Variants in MAPK10 observed in about 807,000 individuals in gnomAD.
MAPK10 encodes the protein mitogen-activated protein kinase 10.
In MAPK10, 25 loss-of-function variants were observed where a neutral mutation model predicts 59.3. The ratio of observed to expected loss-of-function variants is 0.42; its 90% CI spans 0.31 to 0.59. The LOEUF is 0.59. MAPK10 is among the 20% of genes least tolerant of loss of function. MAPK10 has a pLI of 0.15. For missense variants in MAPK10, 351 were observed against 568.9 expected (o/e 0.62, Z 3.90); for synonymous variants, 190 against 200.5 (o/e 0.95, Z 0.44).
chr4:86,548,063 T>G (rs902285606), intron 1 of MAPK10, among the ~76,000 whole-genome samples: 1 of 152,156 alleles, frequency 6.6e-6, no homozygotes, highest in Non-Finnish European at 1.5e-5. Context: ...CTGTGGAATC[T>G]TGGTTCTTTC....
chr4:86,311,460 A>G (rs569432985), intron 2 of MAPK10, among the ~76,000 whole-genome samples: 3 of 152,288 alleles, frequency 2.0e-5, no homozygotes, highest in Admixed American at 6.5e-5. Context: ...CACTGTCACA[A>G]TGAAAAACAG....
chr4:86,191,437 G>A (rs2149308682), intron 3 of MAPK10, among the ~76,000 whole-genome samples: 1 of 151,974 alleles, frequency 6.6e-6, no homozygotes, highest in African/African-American at 2.4e-5. Flanking sequence ...TCCTGTATTG[G>A]GTGCATATAA....
chr4:86,243,592 C>T (rs2092889684), intron 2 of MAPK10, among the ~76,000 whole-genome samples: 1 of 152,124 alleles, frequency 6.6e-6, no homozygotes, highest in South Asian at 2.1e-4. Context: ...CTTCTGGGCC[C>T]TTGAACATGC....
At chr4:86,274,526 C>T (rs1470348015) in intron 2 of MAPK10, among the ~76,000 whole-genome samples, 1 of 151,884 alleles carries the variant, frequency 6.6e-6, no homozygotes, top group African/African-American at 2.4e-5. Context: ...CCCCTCTCCC[C>T]TAAACCTCCT....
intron 11 of MAPK10, among the ~76,000 whole-genome samples, chr4:86,038,090 A>G (rs544081536): frequency 1.8e-4 from 27 of 152,230 alleles, no homozygotes; most frequent in Non-Finnish European, 3.7e-4. Context: ...AGAGATAAAA[A>G]CCAGATATGA....
At chr4:86,494,976 A>C (rs1754765277) in intron 1 of MAPK10, among the ~76,000 whole-genome samples, 1 of 143,150 alleles carries the variant, frequency 7.0e-6, no homozygotes, top group South Asian at 2.3e-4. Context: ...ACCCGAGCTT[A>C]TTTCATGGTG....
intron 2 of MAPK10, among the ~76,000 whole-genome samples, chr4:86,314,358 T>A (rs573692248): frequency 1.2e-4 from 19 of 152,294 alleles, no homozygotes; most frequent in African/African-American, 4.6e-4. Context: ...GGGAGATAAT[T>A]GAACTATGGG....
chr4:86,278,912 T>C (rs2094689782), intron 2 of MAPK10, among the ~76,000 whole-genome samples: 1 of 152,118 alleles, frequency 6.6e-6, no homozygotes, highest in African/African-American at 2.4e-5. Context: ...ATTAAGGACA[T>C]GGTAAGTAAA....
chr4:86,589,482 G>A (rs1469069955), intron 1 of MAPK10, among the ~76,000 whole-genome samples: 2 of 152,068 alleles, frequency 1.3e-5, no homozygotes, highest in African/African-American at 2.4e-5. Context: ...AGGAGTTGGA[G>A]ACCAGCCTGG....
At chr4:86,035,634 A>T (rs2040136835) in intron 11 of MAPK10, among the ~76,000 whole-genome samples, 1 of 152,162 alleles carries the variant, frequency 6.6e-6, no homozygotes. Flanking sequence ...ATAAATGTTA[A>T]TAAATAAACT....
At chr4:86,424,639 C>T (rs1193091497) in intron 1 of MAPK10, among the ~76,000 whole-genome samples, 1 of 152,136 alleles carries the variant, frequency 6.6e-6, no homozygotes, top group East Asian at 1.9e-4. Flanking sequence ...CCTCTTGAAT[C>T]ATGCATGGTC....
Position 86,570,540 on chromosome 4 carries a change from T to C in MAPK10, c.-263+23370A>G, listed in dbSNP as rs550954102. Among the ~76,000 whole-genome samples the C allele has an allele frequency of 2.0e-5, 3 of 152,118 alleles. No homozygotes were observed. In the East Asian group the frequency reaches 5.8e-4, roughly 29 times the overall value. On this transcript the variant is annotated intron_variant, in intron 1 of 4. Transcript: ENST00000502302. ...TTGTTATATAAGTACCTACAGAATA[T>C]CCTTGATTTTCCCTCTTGGCCTACA...
chr4:86,232,650 G>A (rs1198618502), intron 2 of MAPK10, among the ~76,000 whole-genome samples: 1 of 149,980 alleles, frequency 6.7e-6, no homozygotes, highest in East Asian at 1.9e-4. Context: ...TGGGATTACA[G>A]GCGTGAGCCA....
chr4:86,377,781 T>C (rs890042224), intron 1 of MAPK10, among the ~76,000 whole-genome samples: 1 of 152,146 alleles, frequency 6.6e-6, no homozygotes, highest in Non-Finnish European at 1.5e-5. Flanking sequence ...ACAGAACTAA[T>C]GGAATATATA....
upstream of MAPK10, among the ~76,000 whole-genome samples, chr4:86,365,013 T>C (rs766564791): frequency 2.5e-4 from 38 of 152,148 alleles, no homozygotes; most frequent in Non-Finnish European, 4.6e-4. Flanking sequence ...AAAGAACAGA[T>C]ACATATTGGG....
At position 86,347,391 on chromosome 4, in the gene MAPK10, C is replaced by T. The variant is rs371515205; in HGVS notation, c.-7+7139G>A. ...TCTTCAAATAAACTCCAGGAAAATC[C>T]CAATTTCTAAGAGAAAGCATTGAAT... On this transcript the variant is annotated intron_variant, in intron 2 of 13. Transcript: ENST00000641462. Among the ~76,000 whole-genome samples the T allele has an allele frequency of 3.3e-5, 5 of 152,132 alleles. No homozygotes were observed. The East Asian group carries it at 9.7e-4, about 29-fold the overall frequency.
intron 2 of MAPK10, among the ~76,000 whole-genome samples, chr4:86,266,060 A>G (rs1170244126): frequency 2.6e-5 from 4 of 152,224 alleles, no homozygotes; most frequent in Non-Finnish European, 4.4e-5. Flanking sequence ...GAACTGGCAG[A>G]AATGTGGTAA....
At chr4:86,264,821 A>G (rs113748402) in intron 2 of MAPK10, among the ~76,000 whole-genome samples, 6,217 of 151,706 alleles carry the variant, frequency 0.041, 191 homozygotes, top group Non-Finnish European at 0.066. Context: ...TGATTTAAAC[A>G]GAATTCATTA....
chr4:86,046,335 T>C (rs1024666058), intron 11 of MAPK10, among the ~76,000 whole-genome samples: 1 of 151,652 alleles, frequency 6.6e-6, no homozygotes, highest in Non-Finnish European at 1.5e-5. Flanking sequence ...GAACTTCCAA[T>C]ACTATGTTGA....
Sources: allele counts gnomAD v4.1 joint callset (sites outside exome capture counted in the v4.1 genomes callset), GRCh38; gene constraint gnomAD v4.1.1; transcripts MANE v1.5; gene names NCBI Gene and HGNC (gene_info 2026-07-23, HGNC 2026-07-21).